Variants in WRN observed in about 807,000 individuals in gnomAD.
WRN encodes the protein WRN RecQ like helicase, also known as bifunctional 3'-5' exonuclease/ATP-dependent helicase WRN.
In WRN, 149 loss-of-function variants were observed where a neutral mutation model predicts 180.7. The ratio of observed to expected loss-of-function variants is 0.82; its 90% CI spans 0.72 to 0.94. The LOEUF (loss-of-function observed/expected upper bound fraction) is 0.94. WRN is among the 40% of genes least tolerant of loss of function. The pLI, the probability that WRN is intolerant of heterozygous loss-of-function variation, is 0.00. For synonymous variants in WRN, 548 were observed against 568.9 expected (o/e 0.96, Z 0.52); for missense variants, 1,661 against 1,700.1 (o/e 0.98, Z 0.40).
chr8:31,169,846 A>C (rs1308628016), intron 34 of WRN, among the ~76,000 whole-genome samples: 1 of 151,414 alleles, frequency 6.6e-6, no homozygotes, highest in East Asian at 1.9e-4. Flanking sequence ...TTCTCCTAGA[A>C]GGCAGCCTCG....
At chr8:31,056,341 T>G (rs997671817) in intron 1 of WRN, among the ~76,000 whole-genome samples, 2 of 152,226 alleles carry the variant, frequency 1.3e-5, no homozygotes, top group Admixed American at 1.3e-4. Context: ...TTATATAATC[T>G]GGGATCAACT....
intron 1 of WRN, among the ~76,000 whole-genome samples, chr8:31,045,825 T>C (rs1443538137): frequency 1.3e-5 from 2 of 152,218 alleles, no homozygotes; most frequent in Non-Finnish European, 2.9e-5. Flanking sequence ...CAGTGAACTT[T>C]AATGTAAACT....
At chr8:31,138,806 T>C (rs1438442094) in intron 24 of WRN, among the ~76,000 whole-genome samples, 1 of 152,172 alleles carries the variant, frequency 6.6e-6, no homozygotes, top group Non-Finnish European at 1.5e-5. Flanking sequence ...CTCTTAACTA[T>C]ACCTATCAGA....
At chr8:31,118,908 A>C (rs894122431) in intron 20 of WRN, among the ~76,000 whole-genome samples, 2 of 151,914 alleles carry the variant, frequency 1.3e-5, no homozygotes, top group Admixed American at 1.3e-4. Context: ...TTATTTGATA[A>C]AATGTCTTTA....
At chr8:31,035,689 C>CT (rs1269819113) in intron 1 of WRN, among the ~76,000 whole-genome samples, 2 of 152,068 alleles carry the variant, frequency 1.3e-5, no homozygotes, top group South Asian at 2.1e-4. Flanking sequence ...CCATCTTAGT[C>CT]TTTTTTGTAT....
At chr8:31,076,087 G>T (rs761874995) in intron 7 of WRN, 86 bp from the exon 8 acceptor site, 4 of 1,093,368 alleles carry the variant, frequency 3.7e-6, no homozygotes, top group Non-Finnish European at 5.6e-6. Flanking sequence ...ATGAAAATTT[G>T]ATCCCTAATA....
chr8:31,139,170 A>G (rs1041607969), intron 24 of WRN, among the ~76,000 whole-genome samples: 3 of 152,178 alleles, frequency 2.0e-5, no homozygotes, highest in Admixed American at 6.5e-5. Flanking sequence ...CATCAATTCA[A>G]TAAAACCATT....
intron 7 of WRN, among the ~76,000 whole-genome samples, chr8:31,070,747 A>G (rs1244874852): frequency 2.0e-5 from 3 of 152,058 alleles, no homozygotes; most frequent in African/African-American, 7.2e-5. Context: ...CTGAAACCTG[A>G]GCAAGAGTTA....
chr8:31,063,344 A>G (rs1812566233), intron 3 of WRN, among the ~76,000 whole-genome samples: 1 of 152,282 alleles, frequency 6.6e-6, no homozygotes, highest in African/African-American at 2.4e-5. Context: ...TCATTATGCA[A>G]CAGTTGGTTC....
intron 17 of WRN, among the ~76,000 whole-genome samples, chr8:31,097,928 T>G (rs1425291801): frequency 6.6e-6 from 1 of 152,228 alleles, no homozygotes; most frequent in Non-Finnish European, 1.5e-5. Context: ...TGTATAATTA[T>G]GTATTCAAAT....
intron 27 of WRN, among the ~76,000 whole-genome samples, chr8:31,143,084 C>T (rs557504100): frequency 6.6e-6 from 1 of 151,966 alleles, no homozygotes; most frequent in East Asian, 1.9e-4. Flanking sequence ...CACACACACA[C>T]ACATGCACAC....
At chr8:31,143,747 C>G (rs1329380458) in intron 28 of WRN, 124 bp downstream of exon 28, 7 of 677,526 alleles carry the variant, frequency 1.0e-5, no homozygotes, top group Non-Finnish European at 1.5e-5. Flanking sequence ...AAAACATAAG[C>G]TTTTCAGTAT....
intron 18 of WRN, among the ~76,000 whole-genome samples, chr8:31,108,088 A>G (rs1801166310): frequency 6.6e-6 from 1 of 152,232 alleles, no homozygotes; most frequent in South Asian, 2.1e-4. Flanking sequence ...CCATTGAAGT[A>G]TATGTCTAAG....
intron 7 of WRN, among the ~76,000 whole-genome samples, chr8:31,073,084 G>A (rs1015912587): frequency 2.0e-5 from 3 of 152,176 alleles, no homozygotes; most frequent in African/African-American, 7.2e-5. Context: ...ATACGATGAT[G>A]GGTGATGGGA....
chr8:31,057,857 A>G (rs1812334639), intron 1 of WRN, among the ~76,000 whole-genome samples: 1 of 152,164 alleles, frequency 6.6e-6, no homozygotes, highest in Non-Finnish European at 1.5e-5. Flanking sequence ...AGATATTAAC[A>G]GATTTTTAAA....
At chr8:31,085,632 G>T (rs1004693726) in intron 11 of WRN, among the ~76,000 whole-genome samples, 37 of 152,020 alleles carry the variant, frequency 2.4e-4, no homozygotes, top group African/African-American at 8.7e-4. Flanking sequence ...ACCATACCCG[G>T]CTTATTTTTG....
chr8:31,047,080 T>C (rs977504917), intron 1 of WRN, among the ~76,000 whole-genome samples: 12 of 152,046 alleles, frequency 7.9e-5, no homozygotes, highest in African/African-American at 2.9e-4. Context: ...CTTCCCCCTA[T>C]ACTTAAATTG....
chr8:31,107,857 A>C (rs1801157853), intron 18 of WRN, among the ~76,000 whole-genome samples: 1 of 152,218 alleles, frequency 6.6e-6, no homozygotes. Flanking sequence ...AGTAAGAGGA[A>C]TTGTGAAATC....
In WRN at chr8:31,172,984, A is replaced by G. The variant is rs766704571; in HGVS notation, c.4192-11A>G. 5 of 1,612,574 alleles carry G rather than the reference A, an allele frequency of 3.1e-6. No homozygotes were observed. Among genetic ancestry groups the G allele is most frequent in the Non-Finnish European group, 4.2e-6 (5 of 1,178,966 alleles). On this transcript the variant is annotated splice_polypyrimidine_tract_variant and intron_variant, in intron 34 of 34. Transcript: ENST00000298139. ...AAAGATTTGATTTCTTTTTCTTTCT[A>G]TTTCCTACAGACTTCATCTGCAGAG...
Sources: allele counts gnomAD v4.1 joint callset (sites outside exome capture counted in the v4.1 genomes callset), GRCh38; gene constraint gnomAD v4.1.1; transcripts MANE v1.5; gene names NCBI Gene and HGNC (gene_info 2026-07-23, HGNC 2026-07-21).